Variants in HNF1B observed in about 807,000 individuals in gnomAD.
HNF1B encodes the protein HNF1 homeobox B, also known as hepatocyte nuclear factor 1-beta.
In HNF1B, 8 loss-of-function variants were observed where a neutral mutation model predicts 61.7. The observed-to-expected ratio is 0.13, with a 90% CI of 0.08 to 0.23. HNF1B has a LOEUF of 0.23. Ranked by LOEUF, HNF1B falls within the 10% of genes least tolerant of loss-of-function variation. The probability of loss-of-function intolerance (pLI) is 1.00; values close to 1 mark genes in which losing one functional copy is unlikely to be tolerated. For synonymous variants in HNF1B, 314 were observed against 287.7 expected (o/e 1.09, Z -0.93); for missense variants, 562 against 714.5 (o/e 0.79, Z 2.43).
In HNF1B at chr17:37,742,268, C is replaced by G. The variant is rs79383103; in HGVS notation, c.344+2273G>C. Among the ~76,000 whole-genome samples the G allele has an allele frequency of 5.9e-5, 9 of 152,240 alleles. No homozygotes were observed. The East Asian group carries it at 1.5e-3, about 26-fold the overall frequency. On this transcript the variant is annotated intron_variant, in intron 1 of 8. Coordinates refer to ENST00000617811, the MANE Select transcript of HNF1B (RefSeq NM_000458.4). ...AATGCAGCCCACTTTCTAGACGCCC[C>G]CGGCGCACCTGCCTCGAGGCCGCGA...
Position 37,735,234 on chromosome 17 carries a change from C to G in HNF1B, c.545-1413G>C, listed in dbSNP as rs780065594. Among the ~76,000 whole-genome samples, 32 of 152,282 alleles carry G rather than the reference C, an allele frequency of 2.1e-4. No homozygotes were observed. The Middle Eastern group carries it at 0.01, about 49-fold the overall frequency. On this transcript the variant is annotated intron_variant, in intron 2 of 8. Transcript: ENST00000617811. ...CCTTTGGACAACTGGATCCAAAATC[C>G]TCAAGGTTCAAGTCAGGCTACTACT...
Position 37,737,602 on chromosome 17 carries a change from G to A in HNF1B, c.544+1838C>T, listed in dbSNP as rs142346021. 8.6e-3 allele frequency among the ~76,000 whole-genome samples: 1,313 copies of A among 151,946 alleles called. 16 individuals carry two copies. The highest frequency in any genetic ancestry group is 0.024 in the African/African-American group (1,001 of 41,398). ...CAGCACTTTGGGAGGCTGAGGCGGC[G>A]GATCACGAGGTCAGGAGATCAAGAC... On this transcript the variant is annotated intron_variant, in intron 2 of 8. Transcript: ENST00000617811.
At chr17:37,705,122 ACTTAGCGATTC>A (rs2032701323) in intron 5 of HNF1B, 73 bp from the exon 6 acceptor site, 1 of 1,449,414 alleles carries the variant, frequency 6.9e-7, no homozygotes, top group African/African-American at 1.4e-5. Context: ...ACACGATGTG[ACTTAGCGATTC>A]CTTGGCATGA....
chr17:37,729,399 C>T (rs1361137135), intron 4 of HNF1B: 4 of 144,294 alleles, frequency 2.8e-5, no homozygotes, highest in African/African-American at 1.0e-4. Flanking sequence ...CACCACTGCA[C>T]TCTAGCTCGG....
At chr17:37,689,026 T>C (rs1398343455) in intron 8 of HNF1B, among the ~76,000 whole-genome samples, 1 of 151,778 alleles carries the variant, frequency 6.6e-6, no homozygotes, top group African/African-American at 2.4e-5. Context: ...ACACCTGTAG[T>C]CCCAGCTACT....
At chr17:37,687,521 G>A (rs991367347) in intron 8 of HNF1B, 129 bp from the exon 9 acceptor site, 128 of 765,966 alleles carry the variant, frequency 1.7e-4, no homozygotes, top group Non-Finnish European at 2.8e-4. Flanking sequence ...AGGGCTGGGG[G>A]CCTCGTGTCT....
At chr17:37,741,175 T>C (rs568962897) in intron 1 of HNF1B, among the ~76,000 whole-genome samples, 2 of 152,274 alleles carry the variant, frequency 1.3e-5, no homozygotes, top group South Asian at 4.1e-4. Context: ...CATTGCAACA[T>C]AATAAGCAAT....
rs574135373 is a variant in HNF1B, at chr17:37,731,865, G to A, written c.810-35C>T. On this transcript the variant is annotated intron_variant, in intron 3 of 8. Coordinates refer to ENST00000617811, the MANE Select transcript of HNF1B (RefSeq NM_000458.4). ...GATGGAGGGGAGATGGTGAGTGAGG[G>A]GGGGCGGGGGGACTTGTTGGTGCTT... 2.6e-5 allele frequency: 37 copies of A among 1,403,222 alleles called. 1 individual carries two copies. The South Asian group carries it at 3.1e-4, about 12-fold the overall frequency. The allele number at this position is 1,403,222 out of a possible 1,614,324, so 86.9% of individuals were successfully genotyped here.
intron 4 of HNF1B, among the ~76,000 whole-genome samples, chr17:37,715,300 CAT>C (rs1400738289): frequency 3.3e-5 from 5 of 152,148 alleles, no homozygotes; most frequent in Non-Finnish European, 7.3e-5. Flanking sequence ...TGGTACTGTG[CAT>C]ATTTATTGAC....
chr17:37,692,031 G>A (rs1033881115), intron 8 of HNF1B, among the ~76,000 whole-genome samples: 2 of 152,228 alleles, frequency 1.3e-5, no homozygotes, highest in African/African-American at 2.4e-5. Flanking sequence ...AGTGGTTGCT[G>A]TGGTCTTGTT....
chr17:37,703,498 G>A (rs953416951), intron 6 of HNF1B, among the ~76,000 whole-genome samples: 8 of 151,990 alleles, frequency 5.3e-5, no homozygotes, highest in Non-Finnish European at 1.0e-4. Flanking sequence ...TATTATTTTG[G>A]TTGCAGAAAT....
chr17:37,704,221 G>T (rs1366195747), intron 6 of HNF1B, among the ~76,000 whole-genome samples: 1 of 152,228 alleles, frequency 6.6e-6, no homozygotes, highest in East Asian at 1.9e-4. Context: ...GCCCATGTAT[G>T]GGAGGGCACA....
chr17:37,688,233 T>C (rs1472409319), intron 8 of HNF1B, among the ~76,000 whole-genome samples: 1 of 152,268 alleles, frequency 6.6e-6, no homozygotes, highest in Non-Finnish European at 1.5e-5. Flanking sequence ...CCTTATTCAT[T>C]TGAACTGTCA....
At chr17:37,737,740 CAGG>C (rs2033874174) in intron 2 of HNF1B, among the ~76,000 whole-genome samples, 2 of 151,730 alleles carry the variant, frequency 1.3e-5, no homozygotes, top group African/African-American at 4.8e-5. Context: ...GAGGCTGAAG[CAGG>C]AGAATGGCGT....
At chr17:37,723,751 A>G (rs1330360898) in intron 4 of HNF1B, among the ~76,000 whole-genome samples, 1 of 152,240 alleles carries the variant, frequency 6.6e-6, no homozygotes, top group Non-Finnish European at 1.5e-5. Context: ...AAAAAACAAA[A>G]AAACAAAGAA....
At chr17:37,744,250 A>ACC in intron 1 of HNF1B, among the ~76,000 whole-genome samples, 1 of 152,328 alleles carries the variant, frequency 6.6e-6, no homozygotes, top group South Asian at 2.1e-4. Flanking sequence ...CTCCCGGCAA[A>ACC]GGGCTCCACA....
intron 8 of HNF1B, among the ~76,000 whole-genome samples, chr17:37,691,046 T>TG (rs2032184160): frequency 6.6e-6 from 1 of 152,072 alleles, no homozygotes; most frequent in Non-Finnish European, 1.5e-5. Context: ...AGATGAGAAG[T>TG]GGCCAGTGCC....
rs759438511 is a variant in HNF1B, at chr17:37,744,892, G to A, written c.-8C>T. 2 of 1,603,294 alleles carry A rather than the reference G, an allele frequency of 1.2e-6. No individual in the cohort carries two copies. The highest frequency in any genetic ancestry group is 8.5e-7 in the Non-Finnish European group (1 of 1,172,492). On this transcript the variant is annotated 5_prime_UTR_variant, in exon 1 of 9. Coordinates refer to ENST00000617811, the MANE Select transcript of HNF1B (RefSeq NM_000458.4). ...CGTGAGCTTGGACACCATTTTCCAA[G>A]GACGGAAAAAGAAGGGGGTGAGGGG...
chr17:37,716,733 C>T (rs1382171791), intron 4 of HNF1B, among the ~76,000 whole-genome samples: 3 of 152,170 alleles, frequency 2.0e-5, no homozygotes, highest in Non-Finnish European at 2.9e-5. Context: ...CTTAGAGCTA[C>T]AGCTCATAGA....
Sources: allele counts gnomAD v4.1 joint callset (sites outside exome capture counted in the v4.1 genomes callset), GRCh38; gene constraint gnomAD v4.1.1; transcripts MANE v1.5; gene names NCBI Gene and HGNC (gene_info 2026-07-23, HGNC 2026-07-21).